Variants in MICU1 observed in about 807,000 individuals in gnomAD.
The protein encoded by MICU1 is mitochondrial calcium uptake 1, also known as calcium uptake protein 1, mitochondrial.
A neutral mutation model predicts 56.8 loss-of-function variants in MICU1; 45 were observed. The ratio of observed to expected loss-of-function variants is 0.79; its 90% CI spans 0.62 to 1.02. MICU1 has a LOEUF of 1.02. Among genes scored for constraint, MICU1 ranks in the 50% least tolerant of loss-of-function variants. MICU1 has a pLI of 0.00. For synonymous variants in MICU1, 186 were observed against 195.1 expected (o/e 0.95, Z 0.39); for missense variants, 504 against 587.1 (o/e 0.86, Z 1.46).
intron 8 of MICU1, among the ~76,000 whole-genome samples, chr10:72,439,724 T>G (rs1011099881): frequency 9.9e-5 from 15 of 152,150 alleles, no homozygotes; most frequent in African/African-American, 3.6e-4. Context: ...AAAATCAATG[T>G]GCAAAAATCA....
chr10:72,458,903 T>A (rs1865562976), intron 8 of MICU1, among the ~76,000 whole-genome samples: 2 of 150,912 alleles, frequency 1.3e-5, no homozygotes, highest in African/African-American at 4.9e-5. Flanking sequence ...TTTTTGTATT[T>A]TTTTTTGTAG....
chr10:72,374,615 T>C (rs1021182415), intron 11 of MICU1, among the ~76,000 whole-genome samples: 1 of 152,144 alleles, frequency 6.6e-6, no homozygotes, highest in African/African-American at 2.4e-5. Context: ...GTGATTCTTA[T>C]GCTGGGACCA....
rs532982638 is a variant in MICU1 at position 72,380,757 on chromosome 10, C to T, written c.1181-4885G>A. On this transcript the variant is annotated intron_variant, in intron 10 of 11. Coordinates refer to ENST00000361114, the MANE Select transcript of MICU1 (RefSeq NM_001195518.2). ...TGCCCTTTCCCTATACACACTGGGT[C>T]CACATGATCCCTTCCATATATGGAC... Among the ~76,000 whole-genome samples the T allele has an allele frequency of 2.6e-5, 4 of 152,304 alleles. No homozygotes were observed. The East Asian group carries it at 7.7e-4, about 29-fold the overall frequency.
chr10:72,593,439 G>A (rs1300840615), intron 1 of MICU1, among the ~76,000 whole-genome samples: 1 of 151,406 alleles, frequency 6.6e-6, no homozygotes, highest in Non-Finnish European at 1.5e-5. Flanking sequence ...GGCTCTAATC[G>A]CTTGAACCTG....
chr10:72,475,356 T>G, intron 7 of MICU1, 59 bp from the exon 8 acceptor site: 1 of 1,394,722 alleles, frequency 7.2e-7, no homozygotes, highest in Non-Finnish European at 9.8e-7. Context: ...AACATAAACA[T>G]AGAAAAGCAA....
At chr10:72,588,685 T>C (rs143424075) in intron 1 of MICU1, among the ~76,000 whole-genome samples, 51 of 152,316 alleles carry the variant, frequency 3.3e-4, no homozygotes, top group African/African-American at 1.2e-3. Flanking sequence ...CATGGCACTA[T>C]TGGCATTTTG....
At chr10:72,600,957 G>A (rs1841516280) in intron 1 of MICU1, among the ~76,000 whole-genome samples, 1 of 152,162 alleles carries the variant, frequency 6.6e-6, no homozygotes, top group African/African-American at 2.4e-5. Flanking sequence ...TATGTTTGGT[G>A]ATAACAGATA....
intron 1 of MICU1, among the ~76,000 whole-genome samples, chr10:72,624,948 C>T (rs759771242): frequency 6.6e-6 from 1 of 152,206 alleles, no homozygotes; most frequent in African/African-American, 2.4e-5. Context: ...CTGGCCAACA[C>T]CTTTGTCTCA....
chr10:72,429,357 T>G (rs926774541), intron 8 of MICU1, among the ~76,000 whole-genome samples: 2 of 147,388 alleles, frequency 1.4e-5, no homozygotes, highest in Admixed American at 6.9e-5. Flanking sequence ...GAGGTGGAGG[T>G]TGCAGTGAGC....
intron 3 of MICU1, among the ~76,000 whole-genome samples, chr10:72,562,246 C>T (rs570746210): frequency 8.0e-5 from 12 of 150,732 alleles, no homozygotes; most frequent in African/African-American, 2.2e-4. Flanking sequence ...CTCCACCTCC[C>T]GGGTTCAAGC....
intron 10 of MICU1, among the ~76,000 whole-genome samples, chr10:72,394,212 A>G (rs1319912987): frequency 6.6e-6 from 1 of 152,120 alleles, no homozygotes. Flanking sequence ...CATCTCAAGG[A>G]CCTTAACTTA....
chr10:72,438,225 G>A (rs1234752087), intron 8 of MICU1, among the ~76,000 whole-genome samples: 1 of 152,198 alleles, frequency 6.6e-6, no homozygotes, highest in African/African-American at 2.4e-5. Flanking sequence ...AATCAAATTA[G>A]AACTCAGGAT....
intron 10 of MICU1, among the ~76,000 whole-genome samples, chr10:72,386,557 ATTTTTTTTT>A (rs34210330): frequency 8.3e-6 from 1 of 120,188 alleles, no homozygotes; most frequent in African/African-American, 3.2e-5. Flanking sequence ...CCCGCCACCT[ATTTTTTTTT>A]TTTTTTTTTT....
chr10:72,399,928 G>A (rs1353274727), intron 10 of MICU1, among the ~76,000 whole-genome samples: 3 of 151,836 alleles, frequency 2.0e-5, no homozygotes, highest in Admixed American at 1.3e-4. Context: ...GCTGAACTCC[G>A]GCCTGGGCAA....
intron 2 of MICU1, 146 bp downstream of exon 2, chr10:72,566,487 T>C: frequency 1.2e-6 from 1 of 827,148 alleles, no homozygotes; most frequent in Non-Finnish European, 1.8e-6. Flanking sequence ...AACATCTTAT[T>C]TCATAGACGA....
At chr10:72,465,348 A>T (rs1865761469) in intron 8 of MICU1, among the ~76,000 whole-genome samples, 1 of 141,254 alleles carries the variant, frequency 7.1e-6, no homozygotes. Context: ...TTAAACATAT[A>T]CTTGGCTCAC....
intron 1 of MICU1, among the ~76,000 whole-genome samples, chr10:72,594,637 A>G (rs1382959439): frequency 6.6e-6 from 1 of 152,148 alleles, no homozygotes; most frequent in Non-Finnish European, 1.5e-5. Flanking sequence ...GGTGGCTCAC[A>G]TCTGCAATCC....
chr10:72,566,071 TTTTTCTC>T (rs1224445649), intron 2 of MICU1, among the ~76,000 whole-genome samples: 15 of 111,980 alleles, frequency 1.3e-4, no homozygotes, highest in Non-Finnish European at 2.1e-4. Context: ...TTGGAGACAG[TTTTTCTC>T]TGTCACCCAG....
intron 2 of MICU1, among the ~76,000 whole-genome samples, chr10:72,563,626 A>T (rs1488652754): frequency 2.6e-5 from 4 of 152,350 alleles, no homozygotes. Context: ...GTTTTGCAAG[A>T]TGAAAACGTT....
Sources: allele counts gnomAD v4.1 joint callset (sites outside exome capture counted in the v4.1 genomes callset), GRCh38; gene constraint gnomAD v4.1.1; transcripts MANE v1.5; gene names NCBI Gene and HGNC (gene_info 2026-07-23, HGNC 2026-07-21).